Variants in TXNDC16 observed in about 807,000 individuals in gnomAD.
TXNDC16 encodes thioredoxin domain containing 16.
In TXNDC16, 74 loss-of-function variants were observed where a neutral mutation model predicts 85.6. That is an observed-to-expected ratio of 0.86 (90% CI 0.72 to 1.05). TXNDC16 has a LOEUF of 1.05. Ranked by LOEUF, TXNDC16 falls within the 50% of genes least tolerant of loss-of-function variation. The probability of loss-of-function intolerance (pLI) is 0.00; values close to 1 mark genes in which losing one functional copy is unlikely to be tolerated. For missense variants in TXNDC16, 959 were observed against 947.0 expected, an observed-to-expected ratio of 1.01 and a Z score of -0.17; for synonymous variants, 335 against 326.5, an observed-to-expected ratio of 1.03 and a Z score of -0.28.
chr14:52,513,990 C>T (rs2037019060), intron 8 of TXNDC16, among the ~76,000 whole-genome samples: 1 of 152,062 alleles, frequency 6.6e-6, no homozygotes, highest in Admixed American at 6.6e-5. Context: ...TTTTATTTAA[C>T]TCATTAATGA....
At chr14:52,477,919 T>A (rs994058857) in intron 14 of TXNDC16, among the ~76,000 whole-genome samples, 19 of 152,160 alleles carry the variant, frequency 1.2e-4, no homozygotes. Flanking sequence ...ATAGACCATA[T>A]GATAGAGGCC....
chr14:52,535,008 G>A (rs1031803677), intron 6 of TXNDC16, among the ~76,000 whole-genome samples: 2 of 152,160 alleles, frequency 1.3e-5, no homozygotes, highest in Admixed American at 1.3e-4. Flanking sequence ...TCTAGGGCCA[G>A]CTGTTTCAAA....
Position 52,449,225 on chromosome 14 carries a change from TA to T in TXNDC16, c.1842+6098del, listed in dbSNP as rs1426630153. Among the ~76,000 whole-genome samples the T allele has an allele frequency of 2.0e-5, 3 of 151,580 alleles. No individual in the cohort carries two copies. The East Asian group carries it at 5.8e-4, about 29-fold the overall frequency. On this transcript the variant is annotated intron_variant, in intron 18 of 20. Transcript: ENST00000281741. ...GAAACACACTTCACCTATAATGATA[TA>T]CAAAGACTGAAAATAAAAGGATGGA...
chr14:52,454,284 G>A (rs1441418346), intron 18 of TXNDC16, among the ~76,000 whole-genome samples: 1 of 151,162 alleles, frequency 6.6e-6, no homozygotes, highest in South Asian at 2.1e-4. Flanking sequence ...AAAATTATCC[G>A]ATGTGGTGGC....
chr14:52,450,573 C>T (rs984547912), intron 18 of TXNDC16, among the ~76,000 whole-genome samples: 8 of 151,784 alleles, frequency 5.3e-5, no homozygotes, highest in Non-Finnish European at 7.4e-5. Context: ...GCAATTCCAC[C>T]TTACTCCTGC....
chr14:52,530,539 TA>T (rs1295946250), intron 6 of TXNDC16, among the ~76,000 whole-genome samples: 5 of 13,298 alleles, frequency 3.8e-4, no homozygotes, highest in Admixed American at 1.8e-3. Context: ...TATAATAATA[TA>T]ATATATAATT....
At chr14:52,511,703 G>A (rs978223017) in intron 8 of TXNDC16, among the ~76,000 whole-genome samples, 3 of 151,960 alleles carry the variant, frequency 2.0e-5, no homozygotes, top group Admixed American at 2.0e-4. Flanking sequence ...TCCATAAAAA[G>A]CTGTCACCTT....
chr14:52,473,006 TAAG>T (rs2035944012), intron 14 of TXNDC16, among the ~76,000 whole-genome samples: 1 of 152,092 alleles, frequency 6.6e-6, no homozygotes, highest in Non-Finnish European at 1.5e-5. Flanking sequence ...ACCATTTGTA[TAAG>T]AAGATTAAGG....
At chr14:52,512,481 A>G (rs2036979010) in intron 8 of TXNDC16, among the ~76,000 whole-genome samples, 1 of 152,204 alleles carries the variant, frequency 6.6e-6, no homozygotes, top group South Asian at 2.1e-4. Context: ...AAAAGCTAAG[A>G]TGCAATGAAA....
At chr14:52,472,887 G>C (rs1036841426) in intron 14 of TXNDC16, among the ~76,000 whole-genome samples, 1 of 152,080 alleles carries the variant, frequency 6.6e-6, no homozygotes, top group African/African-American at 2.4e-5. Flanking sequence ...TGCACGTACC[G>C]GCAGGAACTA....
intron 18 of TXNDC16, among the ~76,000 whole-genome samples, chr14:52,445,273 A>G (rs1286234501): frequency 6.6e-6 from 1 of 152,206 alleles, no homozygotes; most frequent in African/African-American, 2.4e-5. Context: ...TAATTTAGAA[A>G]CATACATCAT....
At chr14:52,539,299 G>A (rs2037775216) in intron 4 of TXNDC16, among the ~76,000 whole-genome samples, 1 of 152,168 alleles carries the variant, frequency 6.6e-6, no homozygotes, top group South Asian at 2.1e-4. Flanking sequence ...ATGCATAAAA[G>A]TATACAAATA....
intron 12 of TXNDC16, among the ~76,000 whole-genome samples, chr14:52,487,713 C>A (rs2036302717): frequency 6.6e-6 from 1 of 152,178 alleles, no homozygotes; most frequent in Non-Finnish European, 1.5e-5. Context: ...GTCCCTACCA[C>A]CTGCTACTTG....
intron 6 of TXNDC16, among the ~76,000 whole-genome samples, chr14:52,519,564 C>T (rs1211192477): frequency 1.3e-5 from 2 of 152,190 alleles, no homozygotes; most frequent in Non-Finnish European, 2.9e-5. Flanking sequence ...CACTAACACC[C>T]TAGTCTGGCC....
intron 6 of TXNDC16, among the ~76,000 whole-genome samples, chr14:52,530,239 T>TATAC (rs2037476855): frequency 1.7e-5 from 1 of 58,864 alleles, no homozygotes; most frequent in Non-Finnish European, 2.7e-5. Context: ...TTACATATAA[T>TATAC]AATATATAAT....
chr14:52,437,800 T>C (rs914877683), intron 20 of TXNDC16, among the ~76,000 whole-genome samples: 5 of 152,218 alleles, frequency 3.3e-5, no homozygotes, highest in South Asian at 2.1e-4. Flanking sequence ...AAACGGAAAA[T>C]AGGTCTATGA....
intron 9 of TXNDC16, among the ~76,000 whole-genome samples, chr14:52,498,456 C>T (rs1301581813): frequency 6.6e-6 from 1 of 151,072 alleles, no homozygotes; most frequent in African/African-American, 2.4e-5. Flanking sequence ...CACCAGAAAA[C>T]CATAAGAACC....
rs1374601321 is a variant in TXNDC16 at position 52,469,900 on chromosome 14, C to T, written c.1618+137G>A. On this transcript the variant is annotated intron_variant, in intron 16 of 20. Transcript: ENST00000281741. The stretch of plus-strand genomic sequence containing the variant: ...TTTAACACTATCTCTGAATAATTAG[C>T]TTACGATATTTTATTTTTCTTCAAA... The T allele has an allele frequency of 6.1e-6, 5 of 818,740 alleles. No homozygotes were observed. The East Asian group carries it at 1.3e-4, about 21-fold the overall frequency. 50.7% of individuals were successfully genotyped at this position (818,740 alleles called of 1,614,324 possible). A position where few individuals can be genotyped will look rare whatever the true frequency, so the allele number is the denominator to read the frequency against.
At chr14:52,481,374 G>T (rs956795442) in intron 14 of TXNDC16, among the ~76,000 whole-genome samples, 1 of 151,956 alleles carries the variant, frequency 6.6e-6, no homozygotes, top group Non-Finnish European at 1.5e-5. Context: ...AAAAAGGAAT[G>T]GTACACTTAG....
Sources: allele counts gnomAD v4.1 joint callset (sites outside exome capture counted in the v4.1 genomes callset), GRCh38; gene constraint gnomAD v4.1.1; transcripts MANE v1.5; gene names NCBI Gene and HGNC (gene_info 2026-07-23, HGNC 2026-07-21).